The following LPCAT1 variants were observed in gnomAD, a reference collection of about 807,000 sequenced individuals.
LPCAT1 encodes lysophosphatidylcholine acyltransferase 1.
LPCAT1 carries 23 observed loss-of-function variants against 60.9 expected under a neutral mutation model. The observed-to-expected ratio is 0.38, with a 90% confidence interval of 0.27 to 0.53. The LOEUF (loss-of-function observed/expected upper bound fraction) is 0.53. LPCAT1 is among the 20% of genes least tolerant of loss of function. The pLI is 0.82. For missense variants in LPCAT1, 622 were observed against 723.6 expected (o/e 0.86, Z 1.61); for synonymous variants, 340 against 301.1 (o/e 1.13, Z -1.34).
intron 12 of LPCAT1, among the ~76,000 whole-genome samples, chr5:1,470,200 C>G (rs1734610554): frequency 6.6e-6 from 1 of 152,234 alleles, no homozygotes; most frequent in African/African-American, 2.4e-5. Context: ...CAGCTCTATC[C>G]CAGATGAAAT....
intron 1 of LPCAT1, among the ~76,000 whole-genome samples, chr5:1,510,171 C>A (rs1459029989): frequency 6.6e-6 from 1 of 152,162 alleles, no homozygotes; most frequent in Non-Finnish European, 1.5e-5. Context: ...CTTTTCACCC[C>A]CACCCCGTGT....
intron 2 of LPCAT1, among the ~76,000 whole-genome samples, chr5:1,498,209 A>C (rs1735863198): frequency 6.6e-6 from 1 of 152,216 alleles, no homozygotes; most frequent in Non-Finnish European, 1.5e-5. Context: ...GTACACTCTG[A>C]ATCTGCTACT....
rs1378673115 is a variant in LPCAT1 at position 1,523,372 on chromosome 5, G to C, written c.135+338C>G. ...GCGGGAGCCGAGGTCGGGGCTCTGG[G>C]AGGCAGAGAAAGGGTTGTGGGCCCG... On this transcript the variant is annotated intron_variant, in intron 1 of 13. Transcript: ENST00000283415. This position sits in a 1 kb window ranked among gnomAD's most constrained non-coding sequence, Gnocchi z 7.1. Among the ~76,000 whole-genome samples, 2 of 151,836 alleles carry C rather than the reference G, an allele frequency of 1.3e-5. No individual in the cohort carries two copies. Among genetic ancestry groups the C allele is most frequent in the Admixed American group, 1.3e-4 (2 of 15,254 alleles).
Position 1,477,591 on chromosome 5 carries a change from C to T in LPCAT1, c.817-105G>A, listed in dbSNP as rs547737031. The T allele has an allele frequency of 8.1e-5, 66 of 811,248 alleles. No homozygotes were observed. The highest frequency in any genetic ancestry group is 6.9e-4 in the South Asian group (44 of 63,342). 50.3% of individuals were successfully genotyped at this position (811,248 alleles called of 1,614,324 possible). ...ACAAAATTAAGATCTGTCAAAGTAA[C>T]GCCCATTAGAACCGTCTTCAAAGTT... On this transcript the variant is annotated intron_variant, in intron 8 of 13. Transcript: ENST00000283415. The surrounding 1 kb of genome is among the most constrained non-coding windows in gnomAD (Gnocchi z 6.0).
Position 1,480,863 on chromosome 5 carries a change from C to T in LPCAT1, c.761+79G>A, listed in dbSNP as rs994899378. 8 of 1,528,500 alleles carry T rather than the reference C, an allele frequency of 5.2e-6. No individual in the cohort carries two copies. The highest frequency in any genetic ancestry group is 2.2e-5 in the East Asian group (1 of 44,486). 94.7% of individuals were successfully genotyped at this position (1,528,500 alleles called of 1,614,324 possible). ...CTTTCACAACTGCAAAAGTAACTAG[C>T]GTGCACAGCAGACCCCAAGCAGCCC... On this transcript the variant is annotated intron_variant, in intron 7 of 13. Transcript: ENST00000283415. This position sits in a 1 kb window ranked among gnomAD's most constrained non-coding sequence, Gnocchi z 6.4.
At chr5:1,510,086 CTTT>C (rs1249045128) in intron 1 of LPCAT1, among the ~76,000 whole-genome samples, 1 of 147,392 alleles carries the variant, frequency 6.8e-6, no homozygotes, top group Non-Finnish European at 1.5e-5. Context: ...TGGTGGGTTT[CTTT>C]GTCTTTTTCT....
At chr5:1,492,967 G>A (rs1003503244) in intron 3 of LPCAT1, among the ~76,000 whole-genome samples, 1 of 152,220 alleles carries the variant, frequency 6.6e-6, no homozygotes, top group Non-Finnish European at 1.5e-5. Context: ...CAGTGGGGGG[G>A]CAAATGTGGT....
intron 12 of LPCAT1, among the ~76,000 whole-genome samples, chr5:1,469,873 C>T (rs1734597766): frequency 6.6e-6 from 1 of 152,010 alleles, no homozygotes; most frequent in African/African-American, 2.4e-5. Flanking sequence ...ATCAGGGGCC[C>T]TAGGAGGCAG....
intron 13 of LPCAT1, among the ~76,000 whole-genome samples, chr5:1,465,885 GCGCACA>G (rs541902517): frequency 4.9e-4 from 71 of 143,602 alleles, no homozygotes; most frequent in African/African-American, 1.7e-3. Context: ...ACGCACACAG[GCGCACA>G]CGCACACACA....
chr5:1,489,659 A>C, intron 4 of LPCAT1, 87 bp downstream of exon 4: 662 of 876,940 alleles, frequency 7.5e-4, no homozygotes, highest in Non-Finnish European at 1.2e-3. Flanking sequence ...CCCCGGAGGA[A>C]GGGCCCCAGT....
rs778992691 is a variant in LPCAT1, at chr5:1,501,525, C to T, written c.214G>A (p.Ala72Thr). The T allele has an allele frequency of 1.2e-6, 2 of 1,613,818 alleles. No homozygotes were observed. Among genetic ancestry groups the T allele is most frequent in the African/African-American group, 1.3e-5 (1 of 74,920 alleles). ...AAMMLLAWPL[A>T]LVASLGSAEK... ...GCAGAGCCCAGGGATGCGACAAGTG[C>T]GAGGGGCCAGGCCAGCAGCATCATG... The change falls in exon 2 of 14, where the codon GCA becomes ACA. Residue 72 changes from alanine (A) to threonine (T), a missense_variant. This residue lies in a region of LPCAT1 where 125 missense variants were observed against 114.5 expected (regional missense o/e 1.09). Transcript: ENST00000283415.
intron 11 of LPCAT1, among the ~76,000 whole-genome samples, chr5:1,472,378 T>G (rs1734718361): frequency 6.6e-6 from 1 of 152,046 alleles, no homozygotes; most frequent in Non-Finnish European, 1.5e-5. Context: ...CTGAGGGAAC[T>G]GATAGCTTTC....
Position 1,521,414 on chromosome 5 carries a change from C to T in LPCAT1, c.135+2296G>A, listed in dbSNP as rs1736673943. 1 of 985,356 alleles carries T rather than the reference C, an allele frequency of 1.0e-6. No homozygotes were observed. The highest frequency in any genetic ancestry group is 1.7e-5 in the African/African-American group (1 of 57,334). The allele number at this position is 985,356 out of a possible 1,614,324, so 61.0% of individuals were successfully genotyped here. ...CTTGAGTGTGTCAGCCACTACTGGA[C>T]CCATTTCTTTCTTTGGGGAAGAAGG... On this transcript the variant is annotated intron_variant, in intron 1 of 13. Coordinates refer to ENST00000283415, the MANE Select transcript of LPCAT1 (RefSeq NM_024830.5). The surrounding 1 kb of genome is among the most constrained non-coding windows in gnomAD (Gnocchi z 4.3).
intron 3 of LPCAT1, among the ~76,000 whole-genome samples, chr5:1,490,774 G>A (rs1735547605): frequency 6.6e-6 from 1 of 152,172 alleles, no homozygotes; most frequent in African/African-American, 2.4e-5. Context: ...ATTGAACGTG[G>A]AAACATACTT....
chr5:1,461,443 TTA>T lies in LPCAT1; in HGVS notation c.*2206_*2207del, dbSNP rs1395762177. 2 of 152,276 alleles carry T rather than the reference TTA, an allele frequency of 1.3e-5. No homozygotes were observed. The highest frequency in any genetic ancestry group is 2.9e-5 in the Non-Finnish European group (2 of 68,050). The allele number at this position is 152,276 out of a possible 1,614,324, so 9.4% of individuals were successfully genotyped here. ...ACAACATCATTCCCAAGTATAGACTTTATGTTTTACTTATTCCATTGAAAATC... is the reference window on the plus strand; with the variant it reads ...ACAACATCATTCCCAAGTATAGACTTTGTTTTACTTATTCCATTGAAAATC... On this transcript the variant is annotated 3_prime_UTR_variant, in exon 14 of 14. Coordinates refer to ENST00000283415, the MANE Select transcript of LPCAT1 (RefSeq NM_024830.5).
At chr5:1,505,434 G>A (rs902357942) in intron 1 of LPCAT1, among the ~76,000 whole-genome samples, 8 of 152,250 alleles carry the variant, frequency 5.3e-5, no homozygotes, top group East Asian at 1.9e-4. Context: ...AAACAGCACC[G>A]ACTGCCAGGC....
Position 1,494,785 on chromosome 5 carries a change from C to T in LPCAT1, c.408G>A (p.Ser136=), listed in dbSNP as rs372317245. 31 of 1,614,084 alleles carry T rather than the reference C, an allele frequency of 1.9e-5. No homozygotes were observed. Among genetic ancestry groups the T allele is most frequent in the African/African-American group, 2.7e-5 (2 of 74,940 alleles). The stretch of plus-strand genomic sequence containing the variant: ...TCACAGGGATGGCGTCGAAGTAGGA[C>T]GAGTGAGGCGCGAGCGTGAGGATGG... ...EAAILTLAPH[S]SYFDAIPVTM... Residue 136 remains serine, a synonymous_variant, in exon 3 of 14, where the codon TCG becomes TCA. Coordinates refer to ENST00000283415, the MANE Select transcript of LPCAT1 (RefSeq NM_024830.5).
At chr5:1,492,080 T>G (rs1426692520) in intron 3 of LPCAT1, among the ~76,000 whole-genome samples, 1 of 146,710 alleles carries the variant, frequency 6.8e-6, no homozygotes, top group African/African-American at 2.6e-5. Flanking sequence ...ATGGGAGATG[T>G]CTCTGAGCTG....
chr5:1,513,530 G>A (rs1202579701), intron 1 of LPCAT1, among the ~76,000 whole-genome samples: 1 of 152,238 alleles, frequency 6.6e-6, no homozygotes, highest in Non-Finnish European at 1.5e-5. Flanking sequence ...GTGGGCACAG[G>A]CTAAGCTTCA....
Sources: allele counts gnomAD v4.1 joint callset (sites outside exome capture counted in the v4.1 genomes callset), GRCh38; gene constraint gnomAD v4.1.1; regional missense constraint gnomAD v4.1.1; non-coding constraint Gnocchi (gnomAD v3.1); transcripts MANE v1.5; gene names NCBI Gene and HGNC (gene_info 2026-07-23, HGNC 2026-07-21).